Variants in ADAMTSL1 observed in about 807,000 individuals in gnomAD.
The protein encoded by ADAMTSL1 is ADAMTS like 1.
Under a neutral mutation model 201.8 loss-of-function variants are expected in ADAMTSL1, and 126 were observed. The observed-to-expected ratio is 0.62, with a 90% CI of 0.54 to 0.72. The LOEUF is 0.72. Among genes scored for constraint, ADAMTSL1 ranks in the 30% least tolerant of loss-of-function variants. The pLI, the probability that ADAMTSL1 is intolerant of heterozygous loss-of-function variation, is 0.00. For missense variants in ADAMTSL1, 2,679 were observed against 2,277.8 expected, an observed-to-expected ratio of 1.18 and a Z score of -3.59; for synonymous variants, 1,121 against 903.4, an observed-to-expected ratio of 1.24 and a Z score of -4.32.
intron 10 of ADAMTSL1, among the ~76,000 whole-genome samples, chr9:18,679,956 T>G (rs1830359802): frequency 1.3e-5 from 2 of 152,322 alleles, no homozygotes; most frequent in South Asian, 4.1e-4. Flanking sequence ...CTTAATGAGT[T>G]TAATGAAAAT....
intron 1 of ADAMTSL1, among the ~76,000 whole-genome samples, chr9:18,010,436 G>A (rs1399324291): frequency 6.6e-6 from 1 of 152,012 alleles, no homozygotes; most frequent in Non-Finnish European, 1.5e-5. Context: ...CGAAATAAAG[G>A]ATTGAAGAAC....
chr9:18,646,143 T>C (rs142579707), intron 7 of ADAMTSL1, among the ~76,000 whole-genome samples: 7,096 of 151,802 alleles, frequency 0.047, 201 homozygotes, highest in South Asian at 0.086. Context: ...TTTATTCTTT[T>C]TGAAGCAATT....
At chr9:18,842,624 T>C (rs550511053) in intron 23 of ADAMTSL1, among the ~76,000 whole-genome samples, 1 of 152,320 alleles carries the variant, frequency 6.6e-6, no homozygotes, top group South Asian at 2.1e-4. Context: ...ATCTGTCTAA[T>C]GTTGACAGTG....
intron 1 of ADAMTSL1, among the ~76,000 whole-genome samples, chr9:18,017,126 C>G (rs1371883476): frequency 1.3e-5 from 2 of 151,976 alleles, no homozygotes; most frequent in Non-Finnish European, 2.9e-5. Flanking sequence ...AAAGATTAAA[C>G]CTATTTTCCA....
At chr9:17,999,548 A>G (rs1342226262) in intron 1 of ADAMTSL1, among the ~76,000 whole-genome samples, 2 of 152,028 alleles carry the variant, frequency 1.3e-5, no homozygotes, top group African/African-American at 2.4e-5. Flanking sequence ...AAGCTGTCCA[A>G]TAATCCTCAT....
intron 2 of ADAMTSL1, among the ~76,000 whole-genome samples, chr9:18,445,778 C>T (rs1820168601): frequency 6.6e-6 from 1 of 151,680 alleles, no homozygotes; most frequent in Admixed American, 6.6e-5. Context: ...TTAGAAAATC[C>T]AATATTTTTT....
chr9:18,314,809 T>TTTTG (rs1834305577), intron 2 of ADAMTSL1, among the ~76,000 whole-genome samples: 1 of 129,834 alleles, frequency 7.7e-6, no homozygotes, highest in Non-Finnish European at 1.6e-5. Flanking sequence ...TTTTTTTTTT[T>TTTTG]TTTTTGAGAC....
At chr9:18,181,730 G>A (rs1165498251) in intron 2 of ADAMTSL1, among the ~76,000 whole-genome samples, 32 of 151,586 alleles carry the variant, frequency 2.1e-4, no homozygotes, top group African/African-American at 7.0e-4. Context: ...TCAGTGTGGC[G>A]ATTCCTCAGG....
At chr9:18,011,107 T>C (rs1820033785) in intron 1 of ADAMTSL1, among the ~76,000 whole-genome samples, 1 of 151,864 alleles carries the variant, frequency 6.6e-6, no homozygotes, top group African/African-American at 2.4e-5. Flanking sequence ...CCTCAGAAAA[T>C]GACATGAAGG....
chr9:18,547,542 A>G (rs1820539438), intron 3 of ADAMTSL1, among the ~76,000 whole-genome samples: 2 of 151,164 alleles, frequency 1.3e-5, no homozygotes, highest in East Asian at 2.0e-4. Context: ...AATTTCCTTC[A>G]CAGAAGAAGC....
chr9:18,770,969 G>A (rs888755380), intron 17 of ADAMTSL1, among the ~76,000 whole-genome samples, 188 bp downstream of exon 17: 14 of 152,172 alleles, frequency 9.2e-5, no homozygotes, highest in Admixed American at 2.6e-4. Context: ...CCTGAGTTAC[G>A]CAGCCAGCCC....
chr9:18,494,514 C>G (rs1375759829), intron 1 of ADAMTSL1, among the ~76,000 whole-genome samples: 1 of 152,096 alleles, frequency 6.6e-6, no homozygotes, highest in African/African-American at 2.4e-5. Context: ...GGAATCTAGG[C>G]ACTATCAAGA....
chr9:18,245,101 G>A (rs1185476541), intron 2 of ADAMTSL1, among the ~76,000 whole-genome samples: 1 of 152,116 alleles, frequency 6.6e-6, no homozygotes, highest in Admixed American at 6.5e-5. Flanking sequence ...TACATGGCAG[G>A]TGTTAGATCA....
chr9:18,031,723 A>G (rs796476124), intron 1 of ADAMTSL1, among the ~76,000 whole-genome samples: 35 of 152,192 alleles, frequency 2.3e-4, no homozygotes, highest in African/African-American at 8.2e-4. Flanking sequence ...CCTTAGTCCC[A>G]TGGGGGACCT....
At chr9:18,761,638 AT>A (rs1193635224) in intron 16 of ADAMTSL1, among the ~76,000 whole-genome samples, 1 of 151,906 alleles carries the variant, frequency 6.6e-6, no homozygotes, top group Non-Finnish European at 1.5e-5. Context: ...CTTTGGAAAC[AT>A]TTTTTTCTTT....
intron 1 of ADAMTSL1, among the ~76,000 whole-genome samples, chr9:18,073,297 A>T (rs1823045971): frequency 6.6e-6 from 1 of 152,174 alleles, no homozygotes; most frequent in Non-Finnish European, 1.5e-5. Flanking sequence ...TGAGTGATTC[A>T]GCCTGTGTGA....
At chr9:18,833,601 T>C (rs1825132466) in intron 23 of ADAMTSL1, among the ~76,000 whole-genome samples, 1 of 152,218 alleles carries the variant, frequency 6.6e-6, no homozygotes. Context: ...GTTAGACATT[T>C]GTCAGATGTA....
At chr9:18,010,233 G>T (rs1014740912) in intron 1 of ADAMTSL1, among the ~76,000 whole-genome samples, 7 of 151,978 alleles carry the variant, frequency 4.6e-5, no homozygotes, top group African/African-American at 1.7e-4. Context: ...AAGCATTAGA[G>T]ATTAGCTCTG....
At chr9:18,491,453 G>T (rs1822268574) in intron 1 of ADAMTSL1, among the ~76,000 whole-genome samples, 1 of 152,172 alleles carries the variant, frequency 6.6e-6, no homozygotes, top group African/African-American at 2.4e-5. Flanking sequence ...GGCTGAAAAT[G>T]CTTACACGTT....
Sources: gnomAD v4.1 joint callset for allele counts (sites outside exome capture counted in the v4.1 genomes callset) on GRCh38, gnomAD v4.1.1 for gene constraint, MANE v1.5 for transcripts, NCBI Gene and HGNC (gene_info 2026-07-23, HGNC 2026-07-21) for gene names.